The following AGBL4 variants were observed in gnomAD, a reference collection of about 807,000 sequenced individuals.
AGBL4 encodes AGBL carboxypeptidase 4.
A neutral mutation model predicts 66.4 loss-of-function variants in AGBL4; 58 were observed. The observed-to-expected ratio is 0.87, with a 90% confidence interval of 0.71 to 1.09. The LOEUF (loss-of-function observed/expected upper bound fraction) is 1.09, where lower values mean the gene tolerates loss of function less well. Ranked by LOEUF, AGBL4 falls within the 50% of genes least tolerant of loss-of-function variation. AGBL4 has a pLI of 0.00. For synonymous variants in AGBL4, 234 were observed against 222.9 expected, an observed-to-expected ratio of 1.05 and a Z score of -0.44; for missense variants, 579 against 631.0, an observed-to-expected ratio of 0.92 and a Z score of 0.88.
intron 9 of AGBL4, among the ~76,000 whole-genome samples, chr1:48,609,999 C>T (rs1305580496): frequency 6.6e-6 from 1 of 152,224 alleles, no homozygotes; most frequent in Non-Finnish European, 1.5e-5. Context: ...CCTGTTCCCC[C>T]ACTTACTAGC....
intron 9 of AGBL4, among the ~76,000 whole-genome samples, chr1:48,607,767 C>T (rs1280666532): frequency 6.6e-6 from 1 of 152,212 alleles, no homozygotes; most frequent in African/African-American, 2.4e-5. Flanking sequence ...CAAACTCACA[C>T]TTGCATACAA....
intron 1 of AGBL4, among the ~76,000 whole-genome samples, chr1:49,899,537 C>A (rs931131489): frequency 6.6e-6 from 1 of 151,944 alleles, no homozygotes. Flanking sequence ...GGTTCACATC[C>A]CTTCTGGGCC....
chr1:49,314,467 T>G (rs1324996593), intron 3 of AGBL4, among the ~76,000 whole-genome samples: 1 of 152,058 alleles, frequency 6.6e-6, no homozygotes, highest in Non-Finnish European at 1.5e-5. Context: ...CACTCATGAG[T>G]GAGAACATGT....
chr1:49,565,003 C>A (rs1644156071), intron 3 of AGBL4, among the ~76,000 whole-genome samples: 1 of 152,116 alleles, frequency 6.6e-6, no homozygotes, highest in African/African-American at 2.4e-5. Context: ...GTATTGGGTG[C>A]ATATATATTT....
At chr1:49,663,601 T>C in intron 3 of AGBL4, among the ~76,000 whole-genome samples, 1 of 152,100 alleles carries the variant, frequency 6.6e-6, no homozygotes, top group East Asian at 1.9e-4. Context: ...GCCACTGAAA[T>C]ACTGAGTCAC....
chr1:49,754,630 C>T (rs1158225477), intron 2 of AGBL4, among the ~76,000 whole-genome samples: 2 of 152,068 alleles, frequency 1.3e-5, no homozygotes, highest in South Asian at 2.1e-4. Context: ...GTCTGTCAAC[C>T]CCTGCTGGGA....
intron 1 of AGBL4, among the ~76,000 whole-genome samples, chr1:49,944,270 C>A (rs1557604018): frequency 6.6e-6 from 1 of 152,018 alleles, no homozygotes; most frequent in Non-Finnish European, 1.5e-5. Context: ...ATTAAACAAC[C>A]AAAACTAAGG....
chr1:49,845,929 C>T (rs760463869), intron 2 of AGBL4: 37 of 1,474,794 alleles, frequency 2.5e-5, no homozygotes, highest in Non-Finnish European at 3.3e-5. Context: ...AATGCAATGA[C>T]TGCAGCAAGG....
intron 3 of AGBL4, among the ~76,000 whole-genome samples, chr1:49,362,194 A>G (rs1040238932): frequency 6.6e-6 from 1 of 152,088 alleles, no homozygotes; most frequent in Non-Finnish European, 1.5e-5. Context: ...TCATATAGCA[A>G]CCCTCTTATG....
intron 3 of AGBL4, among the ~76,000 whole-genome samples, chr1:49,248,252 A>G (rs1226889654): frequency 6.6e-6 from 1 of 152,228 alleles, no homozygotes; most frequent in Non-Finnish European, 1.5e-5. Flanking sequence ...CATATTCTGA[A>G]TTAAACACTT....
intron 3 of AGBL4, among the ~76,000 whole-genome samples, chr1:49,385,084 T>C (rs1458251592): frequency 2.6e-5 from 4 of 152,148 alleles, no homozygotes; most frequent in African/African-American, 9.7e-5. Flanking sequence ...TGATTTCTCT[T>C]ATATGAGGTC....
Position 49,274,294 on chromosome 1 carries a change from G to T in AGBL4, c.283-28430C>A, listed in dbSNP as rs1311862240. ...ACTTTTCATATATTAAGGCCCAAGAGAGTCCAAGAGAGATATATTGGAATT... is the reference window on the plus strand; with the variant it reads ...ACTTTTCATATATTAAGGCCCAAGATAGTCCAAGAGAGATATATTGGAATT... On this transcript the variant is annotated intron_variant, in intron 3 of 13. Transcript: ENST00000371839. Among the ~76,000 whole-genome samples, 7 of 152,080 alleles carry T rather than the reference G, an allele frequency of 4.6e-5. No homozygotes were observed. The South Asian group carries it at 8.3e-4, about 18-fold the overall frequency.
intron 3 of AGBL4, among the ~76,000 whole-genome samples, chr1:49,275,268 C>A (rs974747320): frequency 1.1e-4 from 16 of 152,082 alleles, no homozygotes; most frequent in Non-Finnish European, 2.1e-4. Context: ...AGGTTCTAGA[C>A]CTGTGGAAAA....
intron 3 of AGBL4, among the ~76,000 whole-genome samples, chr1:49,308,655 C>T (rs1157132587): frequency 6.6e-6 from 1 of 152,068 alleles, no homozygotes; most frequent in Non-Finnish European, 1.5e-5. Context: ...TTTTCTTCTT[C>T]TAACATTTAT....
intron 2 of AGBL4, among the ~76,000 whole-genome samples, chr1:49,793,289 CA>C (rs1010152750): frequency 2.0e-5 from 3 of 152,096 alleles, no homozygotes; most frequent in African/African-American, 7.2e-5. Flanking sequence ...TTATCAACTA[CA>C]AAATTAAGTT....
chr1:49,217,221 A>C (rs1039719850), intron 4 of AGBL4, among the ~76,000 whole-genome samples: 1 of 152,102 alleles, frequency 6.6e-6, no homozygotes, highest in African/African-American at 2.4e-5. Context: ...AGTTATATCA[A>C]GTCTGGTGTT....
intron 3 of AGBL4, among the ~76,000 whole-genome samples, chr1:49,594,871 G>C (rs1190264894): frequency 6.6e-6 from 1 of 152,014 alleles, no homozygotes; most frequent in Admixed American, 6.6e-5. Flanking sequence ...TAATTCTTTG[G>C]GTATATACCC....
chr1:48,944,576 A>G (rs1656297961), intron 5 of AGBL4, among the ~76,000 whole-genome samples: 1 of 152,120 alleles, frequency 6.6e-6, no homozygotes, highest in Non-Finnish European at 1.5e-5. Context: ...GTAGCAACTA[A>G]TAGATACAGA....
chr1:48,918,894 C>T (rs542604454), intron 5 of AGBL4, among the ~76,000 whole-genome samples: 2 of 152,254 alleles, frequency 1.3e-5, no homozygotes, highest in South Asian at 4.1e-4. Context: ...GGAAAAGCTG[C>T]CTAGGGTTGG....
Sources: gnomAD v4.1 joint callset for allele counts (sites outside exome capture counted in the v4.1 genomes callset) on GRCh38, gnomAD v4.1.1 for gene constraint, MANE v1.5 for transcripts, NCBI Gene and HGNC (gene_info 2026-07-23, HGNC 2026-07-21) for gene names.